Variants in RELN observed in about 807,000 individuals in gnomAD.
RELN encodes the protein reelin.
Under a neutral mutation model 427.6 loss-of-function variants are expected in RELN, and 108 were observed. That is an observed-to-expected ratio of 0.25 (90% CI 0.22 to 0.30). The LOEUF (loss-of-function observed/expected upper bound fraction) is 0.30. Among genes scored for constraint, RELN ranks in the 10% least tolerant of loss-of-function variants. The probability of loss-of-function intolerance (pLI) is 1.00; values close to 1 mark genes in which losing one functional copy is unlikely to be tolerated. For missense variants in RELN, 3,715 were observed against 4,302.8 expected, an observed-to-expected ratio of 0.86 and a Z score of 3.82; for synonymous variants, 1,524 against 1,513.4, an observed-to-expected ratio of 1.01 and a Z score of -0.16.
intron 12 of RELN, 145 bp from the exon 13 acceptor site, chr7:103,654,350 A>T: frequency 4.7e-6 from 3 of 644,980 alleles, no homozygotes; most frequent in Non-Finnish European, 8.4e-6. Flanking sequence ...AACAGACTCA[A>T]GGAAATAATT....
Position 103,989,285 on chromosome 7 carries a change from G to A in RELN, c.72C>T (p.Arg24=). The stretch of plus-strand genomic sequence containing the variant: ...AGCGGGGGTAATAGCCAGCCGCCGC[G>A]CGCGCCCTCAGCGTCGCCCCCAGCA... ...ALLLGATLRA[R]AAAGYYPRFS... The change falls in exon 1 of 65, where the codon CGC becomes CGT. Residue 24 remains arginine, a synonymous_variant. Transcript: ENST00000428762. This position sits in a 1 kb window ranked among gnomAD's most constrained non-coding sequence, Gnocchi z 4.9. 6.2e-7 allele frequency: 1 copy of A among 1,612,838 alleles called. No homozygotes were observed. The highest frequency in any genetic ancestry group is 1.1e-5 in the South Asian group (1 of 91,046).
At chr7:103,717,945 A>G (rs1789981523) in intron 8 of RELN, among the ~76,000 whole-genome samples, 1 of 152,176 alleles carries the variant, frequency 6.6e-6, no homozygotes, top group African/African-American at 2.4e-5. Context: ...AGTTCTGAGT[A>G]ATTAAGATGT....
At chr7:103,493,098 T>A (rs1266419849) in intron 57 of RELN, among the ~76,000 whole-genome samples, 2 of 152,152 alleles carry the variant, frequency 1.3e-5, no homozygotes, top group Non-Finnish European at 2.9e-5. Context: ...TGCTTAGAGA[T>A]ATGCTTTATA....
chr7:103,667,563 T>C (rs1293132772), intron 11 of RELN, among the ~76,000 whole-genome samples: 4 of 152,188 alleles, frequency 2.6e-5, no homozygotes, highest in African/African-American at 7.2e-5. Flanking sequence ...TTAGCCATAA[T>C]TTCTTCATCC....
At chr7:103,627,311 G>A (rs544151977) in intron 20 of RELN, among the ~76,000 whole-genome samples, 5 of 152,192 alleles carry the variant, frequency 3.3e-5, no homozygotes, top group African/African-American at 1.2e-4. Context: ...CTTGTTTTAG[G>A]ACTATGAGAT....
chr7:103,926,792 G>A (rs866217899), intron 1 of RELN, among the ~76,000 whole-genome samples: 1 of 151,876 alleles, frequency 6.6e-6, no homozygotes, highest in South Asian at 2.1e-4. Context: ...TTACAGGCAT[G>A]AGCCACCACA....
chr7:103,967,729 T>G (rs1182585278), intron 1 of RELN, among the ~76,000 whole-genome samples: 9 of 152,206 alleles, frequency 5.9e-5, no homozygotes, highest in Non-Finnish European at 1.3e-4. Flanking sequence ...TGCTCACTGT[T>G]CACAAAACTT....
In RELN at chr7:103,989,461, G is replaced by C; in HGVS notation, c.-105C>G. 1.9e-6 allele frequency: 2 copies of C among 1,030,550 alleles called. No homozygotes were observed. Among genetic ancestry groups the C allele is most frequent in the Non-Finnish European group, 2.6e-6 (2 of 773,874 alleles). The allele number at this position is 1,030,550 out of a possible 1,614,324, so 63.8% of individuals were successfully genotyped here. A position where few individuals can be genotyped will look rare whatever the true frequency, so the allele number is the denominator to read the frequency against. On this transcript the variant is annotated 5_prime_UTR_variant, in exon 1 of 65. Transcript: ENST00000428762. This position sits in a 1 kb window ranked among gnomAD's most constrained non-coding sequence, Gnocchi z 4.9. ...CCACGCGGAGAGAAGGCGAGAAGAAGGCGGACGGGAGCGGAACGGGCTCGG... is the reference window on the plus strand; with the variant it reads ...CCACGCGGAGAGAAGGCGAGAAGAACGCGGACGGGAGCGGAACGGGCTCGG...
intron 1 of RELN, among the ~76,000 whole-genome samples, chr7:103,972,138 A>G (rs1796776524): frequency 6.6e-6 from 1 of 152,220 alleles, no homozygotes; most frequent in African/African-American, 2.4e-5. Flanking sequence ...TGTATTATCT[A>G]AAACTTGAAT....
intron 1 of RELN, among the ~76,000 whole-genome samples, chr7:103,947,427 C>T (rs1796243058): frequency 6.6e-6 from 1 of 152,070 alleles, no homozygotes; most frequent in South Asian, 2.1e-4. Flanking sequence ...GATATCCCTA[C>T]AAAAAGACAA....
chr7:103,757,365 T>C (rs1229645643), intron 4 of RELN, among the ~76,000 whole-genome samples: 1 of 152,270 alleles, frequency 6.6e-6, no homozygotes, highest in Non-Finnish European at 1.5e-5. Flanking sequence ...TTTTTCTAGA[T>C]TGCTCGTATG....
intron 52 of RELN, 60 bp downstream of exon 52, chr7:103,502,956 T>C: frequency 7.4e-7 from 1 of 1,352,928 alleles, no homozygotes; most frequent in Admixed American, 1.7e-5. Flanking sequence ...GACAACAGTG[T>C]ACCTAATGGT....
chr7:103,952,234 C>G (rs193052983), intron 1 of RELN, among the ~76,000 whole-genome samples: 4 of 152,094 alleles, frequency 2.6e-5, no homozygotes, highest in African/African-American at 9.7e-5. Context: ...ATGGGTGAGT[C>G]CAAGGATCAG....
At chr7:103,494,660 A>G (rs11979752) in intron 57 of RELN, among the ~76,000 whole-genome samples, 3 of 151,204 alleles carry the variant, frequency 2.0e-5, no homozygotes, top group Admixed American at 1.3e-4. Context: ...CTGGGATTAC[A>G]GGTGTTTGCA....
intron 1 of RELN, among the ~76,000 whole-genome samples, chr7:103,969,595 G>A (rs1023936190): frequency 2.6e-5 from 4 of 152,102 alleles, no homozygotes; most frequent in African/African-American, 9.7e-5. Context: ...AAATTAAATA[G>A]GTATCACTCT....
rs890761738 is a variant in RELN, at chr7:103,535,195, C to T, written c.7349+121G>A. 1.1e-5 allele frequency: 10 copies of T among 880,796 alleles called. No individual in the cohort carries two copies. In the Admixed American group the frequency reaches 1.8e-4, roughly 15 times the overall value. 54.6% of individuals were successfully genotyped at this position (880,796 alleles called of 1,614,324 possible). ...GACAGCCTTAATAATTCATACATGG[C>T]AATACCATTAGCAATTAACAAAACC... On this transcript the variant is annotated intron_variant, in intron 46 of 64. Coordinates refer to ENST00000428762, the MANE Select transcript of RELN (RefSeq NM_005045.4).
At position 103,858,120 on chromosome 7, in the gene RELN, G is replaced by A. The variant is rs555096901; in HGVS notation, c.338-24448C>T. On this transcript the variant is annotated intron_variant, in intron 2 of 64. Transcript: ENST00000428762. ...GTTTGTTCAATAGTCTCTACAGGAC[G>A]CAGTGTAGTGTAATGGTTAAGTACA... 3.5e-4 allele frequency among the ~76,000 whole-genome samples: 54 copies of A among 152,130 alleles called. No individual in the cohort carries two copies. The South Asian group carries it at 3.7e-3, about 11-fold the overall frequency.
chr7:103,899,449 A>G (rs57310861), intron 2 of RELN, among the ~76,000 whole-genome samples: 65,205 of 151,884 alleles, frequency 0.43, 14,449 homozygotes, highest in East Asian at 0.74. Context: ...TTATGAGGCC[A>G]GCATCATCCT....
intron 1 of RELN, among the ~76,000 whole-genome samples, chr7:103,920,772 C>T (rs752133788): frequency 6.6e-6 from 1 of 152,006 alleles, no homozygotes; most frequent in Non-Finnish European, 1.5e-5. Context: ...CAGGGTTTCA[C>T]CATGTTGACC....
Sources: gnomAD v4.1 joint callset for allele counts (sites outside exome capture counted in the v4.1 genomes callset) on GRCh38, gnomAD v4.1.1 for gene constraint, Gnocchi (gnomAD v3.1) non-coding constraint, MANE v1.5 for transcripts, NCBI Gene and HGNC (gene_info 2026-07-23, HGNC 2026-07-21) for gene names.